CHRM3: variants seen among roughly 807,000 people sequenced by gnomAD.
CHRM3 encodes the protein muscarinic acetylcholine receptor M3.
CHRM3 carries 11 observed loss-of-function variants against 41.8 expected under a neutral mutation model. The ratio of observed to expected loss-of-function variants is 0.26; its 90% confidence interval spans 0.17 to 0.44. The LOEUF is 0.44. CHRM3 is among the 20% of genes least tolerant of loss of function. The probability of loss-of-function intolerance (pLI) is 1.00; values close to 1 mark genes in which losing one functional copy is unlikely to be tolerated. For synonymous variants in CHRM3, 297 were observed against 301.4 expected (o/e 0.99, Z 0.15); for missense variants, 571 against 745.4 (o/e 0.77, Z 2.72).
At chr1:239,434,050 T>C (rs1558220673) in intron 1 of CHRM3, among the ~76,000 whole-genome samples, 1 of 152,174 alleles carries the variant, frequency 6.6e-6, no homozygotes, top group South Asian at 2.1e-4. Flanking sequence ...CTGTTGTCCA[T>C]AGTGGTTCAA....
intron 4 of CHRM3, among the ~76,000 whole-genome samples, chr1:239,653,602 A>G (rs1291749718): frequency 1.3e-5 from 2 of 152,192 alleles, no homozygotes; most frequent in East Asian, 1.9e-4. Context: ...CTGTTTTTCA[A>G]AAACGGTCTG....
chr1:239,854,264 A>G (rs1033859455), intron 6 of CHRM3, among the ~76,000 whole-genome samples: 2 of 152,104 alleles, frequency 1.3e-5, no homozygotes, highest in African/African-American at 4.8e-5. Flanking sequence ...CTGAAAATGG[A>G]TGCTTCCAGA....
intron 3 of CHRM3, among the ~76,000 whole-genome samples, chr1:239,558,626 G>A (rs1660590415): frequency 6.6e-6 from 1 of 152,200 alleles, no homozygotes; most frequent in South Asian, 2.1e-4. Context: ...ACTGACAGCC[G>A]GAACTTGGGC....
At chr1:239,560,928 C>T (rs989055053) in intron 3 of CHRM3, among the ~76,000 whole-genome samples, 4 of 152,134 alleles carry the variant, frequency 2.6e-5, no homozygotes, top group African/African-American at 9.7e-5. Context: ...CTTTCCCAGG[C>T]TTCACTCCTT....
At chr1:239,409,625 T>C (rs540487862) in intron 1 of CHRM3, among the ~76,000 whole-genome samples, 1 of 152,106 alleles carries the variant, frequency 6.6e-6, no homozygotes, top group African/African-American at 2.4e-5. Context: ...CACATGGAAG[T>C]TTGTGATGAA....
At chr1:239,732,205 G>A (rs1329084609) in intron 5 of CHRM3, among the ~76,000 whole-genome samples, 1 of 151,730 alleles carries the variant, frequency 6.6e-6, no homozygotes, top group African/African-American at 2.4e-5. Context: ...ATTTAGATAA[G>A]TATGCCTAAC....
At chr1:239,592,668 A>T (rs911943547) in intron 3 of CHRM3, among the ~76,000 whole-genome samples, 2 of 152,048 alleles carry the variant, frequency 1.3e-5, no homozygotes, top group African/African-American at 2.4e-5. Context: ...GATATACCAC[A>T]TTTCATTTGT....
intron 5 of CHRM3, among the ~76,000 whole-genome samples, chr1:239,807,761 G>T (rs1670765447): frequency 6.6e-6 from 1 of 151,980 alleles, no homozygotes; most frequent in African/African-American, 2.4e-5. Flanking sequence ...ATATAGAAGA[G>T]AAGCAGATTT....
chr1:239,877,400 A>G (rs1677194997), intron 6 of CHRM3, among the ~76,000 whole-genome samples: 1 of 144,478 alleles, frequency 6.9e-6, no homozygotes, highest in Non-Finnish European at 1.5e-5. Flanking sequence ...TGGTCAACAT[A>G]GCAAGACCCC....
At chr1:239,527,950 G>A (rs10925904) in intron 2 of CHRM3, among the ~76,000 whole-genome samples, 35,530 of 151,818 alleles carry the variant, frequency 0.23, 4,666 homozygotes, top group Middle Eastern at 0.42. Context: ...CTATGAAAGT[G>A]GACATGATGA....
intron 6 of CHRM3, among the ~76,000 whole-genome samples, chr1:239,865,110 A>T (rs1229896529): frequency 6.6e-6 from 1 of 152,208 alleles, no homozygotes; most frequent in East Asian, 1.9e-4. Context: ...ATTATAGTCC[A>T]TTCACACCAC....
At chr1:239,868,796 G>T (rs1676331493) in intron 6 of CHRM3, among the ~76,000 whole-genome samples, 1 of 152,214 alleles carries the variant, frequency 6.6e-6, no homozygotes, top group Non-Finnish European at 1.5e-5. Context: ...TGAATTCTGA[G>T]AATGAGAACG....
At chr1:239,398,487 C>T (rs1659689003) in intron 1 of CHRM3, among the ~76,000 whole-genome samples, 1 of 152,066 alleles carries the variant, frequency 6.6e-6, no homozygotes, top group African/African-American at 2.4e-5. Flanking sequence ...CTGCCCGCCT[C>T]GGCCTCCCAA....
intron 5 of CHRM3, among the ~76,000 whole-genome samples, chr1:239,780,244 T>C (rs1668411239): frequency 6.6e-6 from 1 of 152,320 alleles, no homozygotes; most frequent in Middle Eastern, 3.4e-3. Context: ...TGCGTTCCTG[T>C]TGGCAATAAA....
intron 4 of CHRM3, among the ~76,000 whole-genome samples, chr1:239,643,542 G>A (rs1326561446): frequency 6.6e-6 from 1 of 152,182 alleles, no homozygotes; most frequent in African/African-American, 2.4e-5. Flanking sequence ...AGTAATCAGC[G>A]AGACTCCGTG....
chr1:239,765,134 CT>C (rs1424285499), intron 5 of CHRM3, among the ~76,000 whole-genome samples: 1 of 152,194 alleles, frequency 6.6e-6, no homozygotes, highest in Non-Finnish European at 1.5e-5. Flanking sequence ...CACAGGGTGC[CT>C]TAACCAGATT....
chr1:239,642,771 A>C (rs1671320500), intron 4 of CHRM3, among the ~76,000 whole-genome samples: 1 of 152,268 alleles, frequency 6.6e-6, no homozygotes, highest in East Asian at 1.9e-4. Context: ...CAACTCGTCA[A>C]AGTCATTCTC....
chr1:239,456,272 A>T (rs1330637054), intron 1 of CHRM3, among the ~76,000 whole-genome samples: 1 of 152,194 alleles, frequency 6.6e-6, no homozygotes, highest in East Asian at 1.9e-4. Context: ...ACCCAGAGCA[A>T]CTTCCAATCC....
chr1:239,774,680 C>A (rs1377196557), intron 5 of CHRM3, among the ~76,000 whole-genome samples: 3 of 152,138 alleles, frequency 2.0e-5, no homozygotes, highest in African/African-American at 7.2e-5. Flanking sequence ...TTCTCCAAAA[C>A]CTGGGGTTGC....
Sources: gnomAD v4.1 joint callset for allele counts (sites outside exome capture counted in the v4.1 genomes callset) on GRCh38, gnomAD v4.1.1 for gene constraint, MANE v1.5 for transcripts, NCBI Gene and HGNC (gene_info 2026-07-23, HGNC 2026-07-21) for gene names.